FBN1: variants seen among roughly 807,000 people sequenced by gnomAD.
The protein encoded by FBN1 is fibrillin-1.
In FBN1, 29 loss-of-function variants were observed where a neutral mutation model predicts 365.1. The ratio of observed to expected loss-of-function variants is 0.08; its 90% CI spans 0.06 to 0.11. The LOEUF (loss-of-function observed/expected upper bound fraction) is 0.11, where lower values mean the gene tolerates loss of function less well. FBN1 is among the 10% of genes least tolerant of loss of function. The pLI is 1.00. For missense variants in FBN1, 2,476 were observed against 3,703.2 expected (o/e 0.67, Z 8.60); for synonymous variants, 1,210 against 1,270.5 (o/e 0.95, Z 1.01).
In FBN1 at chr15:48,600,144, C is replaced by T; in HGVS notation, c.437G>A (p.Gly146Glu). 6.2e-7 allele frequency: 1 copy of T among 1,607,074 alleles called. No homozygotes were observed. Among genetic ancestry groups the T allele is most frequent in the East Asian group, 2.2e-5 (1 of 44,830 alleles). ...CQKGYIGTHC[G>E]QPVCESGCLN... ...TATAACTACAGTGTACTTACGTTGT[C>T]CACAGTGAGTCCCTATGTATCCTTT... Residue 146 changes from glycine (G) to glutamate (E), a missense_variant, in exon 5 of 66, where the codon GGA becomes GAA. By Grantham distance (98) the Gly-to-Glu change is moderately conservative. Around this residue, in one of 5 missense-constraint regions of FBN1, gnomAD observed 421 missense variants for 520.1 expected, o/e 0.81. Coordinates refer to ENST00000316623, the MANE Select transcript of FBN1 (RefSeq NM_000138.5).
intron 23 of FBN1, 72 bp from the exon 24 acceptor site, chr15:48,492,658 T>A: frequency 2.5e-6 from 3 of 1,181,762 alleles, no homozygotes; most frequent in South Asian, 2.8e-5. Context: ...ACTCATAGAG[T>A]CATAATTATT....
chr15:48,591,239 A>G (rs1317806393), intron 6 of FBN1, among the ~76,000 whole-genome samples: 1 of 152,190 alleles, frequency 6.6e-6, no homozygotes, highest in Non-Finnish European at 1.5e-5. Context: ...CACTGTAGTC[A>G]CTAGAATTAA....
intron 6 of FBN1, among the ~76,000 whole-genome samples, chr15:48,586,571 C>T (rs539616854): frequency 2.0e-5 from 3 of 152,224 alleles, no homozygotes; most frequent in African/African-American, 4.8e-5. Flanking sequence ...AGGAAGTTAT[C>T]GGTATTTAAT....
chr15:48,414,255 C>T (rs2042885214), intron 64 of FBN1, among the ~76,000 whole-genome samples: 1 of 152,206 alleles, frequency 6.6e-6, no homozygotes, highest in Non-Finnish European at 1.5e-5. Flanking sequence ...GAATTTGTGT[C>T]TGATTGCTGG....
intron 44 of FBN1, among the ~76,000 whole-genome samples, chr15:48,453,502 G>A (rs1024565413): frequency 4.6e-5 from 7 of 152,086 alleles, no homozygotes; most frequent in African/African-American, 1.7e-4. Flanking sequence ...GGGAGATTAG[G>A]GGATACACAG....
chr15:48,442,297 A>G (rs1566897550), intron 49 of FBN1, among the ~76,000 whole-genome samples: 1 of 152,120 alleles, frequency 6.6e-6, no homozygotes, highest in Non-Finnish European at 1.5e-5. Flanking sequence ...CTCCCCTCCA[A>G]CCACCCACAG....
intron 7 of FBN1, among the ~76,000 whole-genome samples, chr15:48,535,549 GCAAA>G (rs1312558940): frequency 2.0e-5 from 3 of 152,230 alleles, no homozygotes; most frequent in South Asian, 2.1e-4. Flanking sequence ...GAATCCCCAA[GCAAA>G]CAGTCTAATG....
At chr15:48,608,677 T>G (rs890272514) in intron 4 of FBN1, among the ~76,000 whole-genome samples, 1 of 152,186 alleles carries the variant, frequency 6.6e-6, no homozygotes, top group Non-Finnish European at 1.5e-5. Context: ...ACTTGGGGAC[T>G]TTGTCTAACG....
intron 6 of FBN1, among the ~76,000 whole-genome samples, chr15:48,552,783 T>C (rs1243537431): frequency 6.6e-6 from 1 of 152,202 alleles, no homozygotes; most frequent in South Asian, 2.1e-4. Flanking sequence ...CATAAGATAC[T>C]ACATTTCTGG....
intron 6 of FBN1, among the ~76,000 whole-genome samples, chr15:48,555,221 G>C (rs1415803134): frequency 6.6e-6 from 1 of 152,010 alleles, no homozygotes; most frequent in Middle Eastern, 3.2e-3. Context: ...ATCTGTGCTC[G>C]GTTAAAAACT....
chr15:48,593,483 T>G (rs146388730), intron 6 of FBN1, among the ~76,000 whole-genome samples: 2 of 152,332 alleles, frequency 1.3e-5, no homozygotes, highest in African/African-American at 4.8e-5. Context: ...GAAAGATCAT[T>G]CTTCTGAAAG....
chr15:48,430,898 A>G (rs2043018986), intron 55 of FBN1, 96 bp from the exon 56 acceptor site: 4 of 1,165,244 alleles, frequency 3.4e-6, no homozygotes, highest in Non-Finnish European at 3.8e-6. Context: ...TAAGTAACCA[A>G]TTTTCATCTG....
intron 2 of FBN1, among the ~76,000 whole-genome samples, chr15:48,633,553 A>G (rs565763349): frequency 1.2e-4 from 18 of 151,980 alleles, no homozygotes; most frequent in Non-Finnish European, 2.1e-4. Context: ...ATTGACAACT[A>G]CCTCCCTCAA....
chr15:48,513,831 T>A (rs569727482), intron 12 of FBN1, among the ~76,000 whole-genome samples, 163 bp from the exon 13 acceptor site: 1 of 152,230 alleles, frequency 6.6e-6, no homozygotes, highest in South Asian at 2.1e-4. Context: ...CATTAGCCAT[T>A]TGAAGACTGG....
At chr15:48,605,046 G>A (rs1482060027) in intron 4 of FBN1, among the ~76,000 whole-genome samples, 1 of 152,164 alleles carries the variant, frequency 6.6e-6, no homozygotes, top group African/African-American at 2.4e-5. Flanking sequence ...ATGAGAAAAT[G>A]TGATCAAACT....
At chr15:48,416,374 A>G (rs901465049) in intron 63 of FBN1, among the ~76,000 whole-genome samples, 4 of 152,160 alleles carry the variant, frequency 2.6e-5, no homozygotes, top group African/African-American at 9.7e-5. Flanking sequence ...AAATTCTGCA[A>G]AAGCCCCCAG....
At chr15:48,470,567 G>T (rs1566905343) in intron 36 of FBN1, 67 bp downstream of exon 36, 1 of 1,609,108 alleles carries the variant, frequency 6.2e-7, no homozygotes. Context: ...GTAGTCCCAG[G>T]GAGGCTCCAA....
chr15:48,555,796 T>G (rs2044175450), intron 6 of FBN1, among the ~76,000 whole-genome samples: 1 of 152,216 alleles, frequency 6.6e-6, no homozygotes, highest in South Asian at 2.1e-4. Flanking sequence ...ATTCCTTAGA[T>G]GAGCTCATGT....
chr15:48,471,912 G>A (rs960821856), intron 35 of FBN1, among the ~76,000 whole-genome samples: 7 of 152,326 alleles, frequency 4.6e-5, no homozygotes, highest in East Asian at 1.9e-4. Flanking sequence ...AGGACTCTTC[G>A]TGTCTGACCA....
Sources: gnomAD v4.1 joint callset for allele counts (sites outside exome capture counted in the v4.1 genomes callset) on GRCh38, gnomAD v4.1.1 for gene constraint, gnomAD v4.1.1 regional missense constraint, MANE v1.5 for transcripts, NCBI Gene and HGNC (gene_info 2026-07-23, HGNC 2026-07-21) for gene names.